Variants in RNF220 observed in about 807,000 individuals in gnomAD.
RNF220 encodes E3 ubiquitin-protein ligase RNF220.
RNF220 carries 7 observed loss-of-function variants against 67.1 expected under a neutral mutation model. That is an observed-to-expected ratio of 0.10 (90% CI 0.06 to 0.20). The LOEUF (loss-of-function observed/expected upper bound fraction) is 0.20. Ranked by LOEUF, RNF220 falls within the 10% of genes least tolerant of loss-of-function variation. The probability of loss-of-function intolerance (pLI) is 1.00; values close to 1 mark genes in which losing one functional copy is unlikely to be tolerated. For missense variants in RNF220, 565 were observed against 740.3 expected (o/e 0.76, Z 2.75); for synonymous variants, 270 against 283.2 (o/e 0.95, Z 0.47).
chr1:44,484,791 A>G (rs1656135559), intron 2 of RNF220, among the ~76,000 whole-genome samples: 1 of 152,214 alleles, frequency 6.6e-6, no homozygotes, highest in African/African-American at 2.4e-5. Flanking sequence ...TCTCCTATGC[A>G]TCTGGATTGT....
intron 2 of RNF220, among the ~76,000 whole-genome samples, chr1:44,485,438 T>A (rs1347410667): frequency 6.6e-6 from 1 of 152,156 alleles, no homozygotes; most frequent in African/African-American, 2.4e-5. Context: ...AGGGTTCTGG[T>A]TAAGTAGCAG....
At chr1:44,561,451 G>A (rs2148290266) in intron 2 of RNF220, among the ~76,000 whole-genome samples, 1 of 152,338 alleles carries the variant, frequency 6.6e-6, no homozygotes, top group African/African-American at 2.4e-5. Context: ...GAAGGTTGCA[G>A]TGAGCCCAGA....
intron 2 of RNF220, among the ~76,000 whole-genome samples, chr1:44,511,945 G>A (rs1659048952): frequency 6.6e-6 from 1 of 152,102 alleles, no homozygotes; most frequent in Non-Finnish European, 1.5e-5. Context: ...GTGTGTGTGT[G>A]TGTAAGTATG....
intron 2 of RNF220, among the ~76,000 whole-genome samples, chr1:44,435,411 T>A (rs927989665): frequency 1.3e-5 from 2 of 152,170 alleles, no homozygotes; most frequent in Non-Finnish European, 2.9e-5. Context: ...TGGTGCCTGA[T>A]TTATGGTAAG....
intron 2 of RNF220, among the ~76,000 whole-genome samples, chr1:44,418,742 GAATTATATTTTTATATTGGTTTTCT>G (rs1648883107): frequency 6.6e-6 from 1 of 151,926 alleles, no homozygotes; most frequent in Non-Finnish European, 1.5e-5. Flanking sequence ...CTGAAAAATA[GAATTATATTTTTATATTGGTTTTCT>G]TATTTTTAAC....
chr1:44,492,996 ATTC>A (rs1656992988), intron 2 of RNF220, among the ~76,000 whole-genome samples: 1 of 151,674 alleles, frequency 6.6e-6, no homozygotes, highest in Non-Finnish European at 1.5e-5. Context: ...GGGCTCAAGC[ATTC>A]TTCTTGCCTC....
chr1:44,434,855 TAA>T (rs77667821), intron 2 of RNF220, among the ~76,000 whole-genome samples: 1 of 139,324 alleles, frequency 7.2e-6, no homozygotes, highest in Non-Finnish European at 1.6e-5. Flanking sequence ...ACTCCATTTC[TAA>T]AAAAAAAAAA....
At chr1:44,527,177 A>G (rs190761469) in intron 2 of RNF220, among the ~76,000 whole-genome samples, 2 of 151,960 alleles carry the variant, frequency 1.3e-5, no homozygotes, top group Non-Finnish European at 2.9e-5. Flanking sequence ...CCAACTCACT[A>G]TCTCTCCTTG....
chr1:44,559,019 C>T (rs142059406), intron 2 of RNF220, among the ~76,000 whole-genome samples: 3 of 152,338 alleles, frequency 2.0e-5, no homozygotes, highest in East Asian at 3.9e-4. Context: ...AAGGCAACTC[C>T]GTGAGGGCAG....
chr1:44,471,104 AAATTC>A (rs1287265818), intron 2 of RNF220, among the ~76,000 whole-genome samples: 6 of 152,142 alleles, frequency 3.9e-5, no homozygotes, highest in Non-Finnish European at 8.8e-5. Context: ...AAAAAAGATA[AAATTC>A]ACCATTTTAA....
intron 2 of RNF220, among the ~76,000 whole-genome samples, chr1:44,514,842 T>C (rs1000863566): frequency 2.6e-5 from 4 of 152,186 alleles, no homozygotes; most frequent in African/African-American, 9.7e-5. Flanking sequence ...CATGCTTTAC[T>C]AGTTGTGTGC....
chr1:44,538,782 G>A (rs189783020), intron 2 of RNF220, among the ~76,000 whole-genome samples: 308 of 151,922 alleles, frequency 2.0e-3, no homozygotes, highest in African/African-American at 7.0e-3. Flanking sequence ...TGGGCGTGGT[G>A]GCAGGCACCT....
intron 2 of RNF220, among the ~76,000 whole-genome samples, chr1:44,502,052 A>AACACACACACACACAC (rs56978327): frequency 4.1e-5 from 5 of 121,854 alleles, no homozygotes; most frequent in African/African-American, 1.3e-4. Flanking sequence ...ACACCACTGA[A>AACACACACACACACAC]ACACACACAC....
At chr1:44,618,320 G>A (rs887387695) in intron 3 of RNF220, among the ~76,000 whole-genome samples, 3 of 152,174 alleles carry the variant, frequency 2.0e-5, no homozygotes, top group Non-Finnish European at 4.4e-5. Flanking sequence ...ACACACAGAT[G>A]TGCCCACACA....
At chr1:44,591,603 G>A (rs78288114) in intron 2 of RNF220, among the ~76,000 whole-genome samples, 3,972 of 152,280 alleles carry the variant, frequency 0.026, 180 homozygotes, top group African/African-American at 0.09. Flanking sequence ...TGGCCAGAGC[G>A]TGAACTTCTG....
At chr1:44,502,145 T>A (rs1453659311) in intron 2 of RNF220, among the ~76,000 whole-genome samples, 1 of 118,280 alleles carries the variant, frequency 8.5e-6, no homozygotes, top group South Asian at 2.7e-4. Context: ...TCTCTCTCTC[T>A]CTCTCTCTCT....
At chr1:44,510,756 A>G (rs1658923260) in intron 2 of RNF220, among the ~76,000 whole-genome samples, 1 of 152,206 alleles carries the variant, frequency 6.6e-6, no homozygotes, top group Non-Finnish European at 1.5e-5. Flanking sequence ...CACTGTGAGC[A>G]CAGGTGTCCT....
chr1:44,544,527 G>C (rs1176295874), intron 2 of RNF220, among the ~76,000 whole-genome samples: 1 of 152,236 alleles, frequency 6.6e-6, no homozygotes, highest in Non-Finnish European at 1.5e-5. Context: ...ATGCCACTCA[G>C]CATTGCTCTG....
intron 2 of RNF220, among the ~76,000 whole-genome samples, chr1:44,608,962 T>C (rs1667472792): frequency 6.6e-6 from 1 of 152,196 alleles, no homozygotes; most frequent in South Asian, 2.1e-4. Context: ...CAGCCCTGAT[T>C]TCACTGGATC....
Sources: allele counts gnomAD v4.1 joint callset (sites outside exome capture counted in the v4.1 genomes callset), GRCh38; gene constraint gnomAD v4.1.1; transcripts MANE v1.5; gene names NCBI Gene and HGNC (gene_info 2026-07-23, HGNC 2026-07-21).